The following DPP6 variants were observed in gnomAD, a reference collection of about 807,000 sequenced individuals.
DPP6 encodes dipeptidyl peptidase like 6.
A neutral mutation model predicts 122.6 loss-of-function variants in DPP6; 69 were observed. That is an observed-to-expected ratio of 0.56 (90% CI 0.46 to 0.69). The LOEUF (loss-of-function observed/expected upper bound fraction) is 0.69. Among genes scored for constraint, DPP6 ranks in the 30% least tolerant of loss-of-function variants. The pLI is 0.00. For missense variants in DPP6, 928 were observed against 1,116.9 expected (o/e 0.83, Z 2.41); for synonymous variants, 418 against 433.1 (o/e 0.97, Z 0.43).
chr7:153,819,546 G>T, the DPP6 span, among the ~76,000 whole-genome samples: 42 of 152,240 alleles, frequency 2.8e-4, no homozygotes, highest in South Asian at 1.5e-3. Flanking sequence ...CATCATGACT[G>T]CTGCCTGACC....
At chr7:154,498,079 G>C (rs922484698) in intron 3 of DPP6, among the ~76,000 whole-genome samples, 3 of 152,222 alleles carry the variant, frequency 2.0e-5, no homozygotes, top group East Asian at 3.9e-4. Flanking sequence ...GCAGTTGCCT[G>C]CTTCATAGAT....
At chr7:154,058,403 G>C (rs1195764135) in intron 1 of DPP6, 2 of 146,814 alleles carry the variant, frequency 1.4e-5, no homozygotes, top group Admixed American at 6.7e-5. Context: ...CGCAGGAGGG[G>C]GAGGCAACCC....
chr7:154,613,980 A>G (rs563895073), intron 5 of DPP6, among the ~76,000 whole-genome samples: 45 of 152,304 alleles, frequency 3.0e-4, no homozygotes, highest in Admixed American at 1.2e-3. Context: ...TGCTTTCCGC[A>G]TTCCGCATAC....
intron 1 of DPP6, among the ~76,000 whole-genome samples, chr7:154,019,322 A>G (rs1300841554): frequency 1.3e-5 from 2 of 152,074 alleles, no homozygotes; most frequent in South Asian, 2.1e-4. Flanking sequence ...TCAAATATTT[A>G]TCTGCCTCTA....
At chr7:154,461,273 G>A (rs1407738479) in intron 2 of DPP6, among the ~76,000 whole-genome samples, 3 of 152,124 alleles carry the variant, frequency 2.0e-5, no homozygotes, top group Admixed American at 6.5e-5. Flanking sequence ...TCTGTTGATG[G>A]ACACTAGGGT....
intron 1 of DPP6, among the ~76,000 whole-genome samples, chr7:154,340,087 A>T (rs980475857): frequency 6.6e-6 from 1 of 152,118 alleles, no homozygotes; most frequent in African/African-American, 2.4e-5. Context: ...AGAAAAAAAA[A>T]ATTAATGTGG....
intron 1 of DPP6, among the ~76,000 whole-genome samples, chr7:154,149,612 T>C (rs1253269401): frequency 1.3e-5 from 2 of 151,096 alleles, no homozygotes; most frequent in Non-Finnish European, 2.9e-5. Flanking sequence ...AAAAGTCATA[T>C]TTAAGACTTG....
chr7:154,874,587 A>T (rs981136705), intron 19 of DPP6, among the ~76,000 whole-genome samples: 1 of 152,158 alleles, frequency 6.6e-6, no homozygotes, highest in African/African-American at 2.4e-5. Context: ...ACTCACCAGG[A>T]CCCTAAGCAT....
chr7:154,334,574 C>T (rs932135162), intron 1 of DPP6, among the ~76,000 whole-genome samples: 26 of 152,096 alleles, frequency 1.7e-4, no homozygotes, highest in African/African-American at 5.3e-4. Flanking sequence ...CGATCACTCT[C>T]GAGATTCAGT....
At chr7:153,806,525 T>C in the DPP6 span, among the ~76,000 whole-genome samples, 2 of 151,580 alleles carry the variant, frequency 1.3e-5, no homozygotes, top group Admixed American at 6.6e-5. Flanking sequence ...GCTCCTGCAA[T>C]TCAGGGATGA....
intron 10 of DPP6, among the ~76,000 whole-genome samples, chr7:154,784,265 G>A (rs541554004): frequency 5.7e-4 from 86 of 152,194 alleles, no homozygotes; most frequent in African/African-American, 2.0e-3. Flanking sequence ...GCCCTCATAA[G>A]GAGAGAGACC....
chr7:153,776,296 C>T, the DPP6 span, among the ~76,000 whole-genome samples: 8 of 152,086 alleles, frequency 5.3e-5, no homozygotes, highest in South Asian at 2.1e-4. Context: ...GGAGGGACCT[C>T]GTGGGAGGTA....
chr7:154,160,193 G>C (rs6951465), intron 1 of DPP6, among the ~76,000 whole-genome samples: 4 of 151,126 alleles, frequency 2.6e-5, no homozygotes, highest in Non-Finnish European at 5.9e-5. Context: ...AAGTAGCAAA[G>C]ACAGGACTTG....
At chr7:153,844,446 G>T in the DPP6 span, among the ~76,000 whole-genome samples, 4 of 152,176 alleles carry the variant, frequency 2.6e-5, no homozygotes, top group South Asian at 8.3e-4. Context: ...CATTGAATGG[G>T]GTTGAGATTA....
In DPP6 at chr7:154,848,570, A is replaced by G. The variant is rs111264817; in HGVS notation, c.1667-5210A>G. ...TACATATTTTGGTTATTAGCCCCTT[A>G]TGTGATATATGATTTGCCAGTATTT... On this transcript the variant is annotated intron_variant, in intron 16 of 25. Transcript: ENST00000377770. 9.2e-3 allele frequency among the ~76,000 whole-genome samples: 1,404 copies of G among 152,286 alleles called. 21 individuals are homozygous for G. The highest frequency in any genetic ancestry group is 0.032 in the African/African-American group (1,323 of 41,570).
intron 7 of DPP6, among the ~76,000 whole-genome samples, chr7:154,674,481 G>T (rs3807222): frequency 6.6e-6 from 1 of 151,936 alleles, no homozygotes; most frequent in African/African-American, 2.4e-5. Context: ...GCATCATCAC[G>T]TTTTCCTTTG....
At chr7:154,029,124 C>G (rs1799096593) in intron 1 of DPP6, among the ~76,000 whole-genome samples, 1 of 149,268 alleles carries the variant, frequency 6.7e-6, no homozygotes, top group Admixed American at 6.7e-5. Context: ...CTTGTTTTCT[C>G]CCATGTTCCA....
intron 8 of DPP6, among the ~76,000 whole-genome samples, chr7:154,743,934 A>AT (rs1842926853): frequency 6.6e-6 from 1 of 152,212 alleles, no homozygotes; most frequent in Admixed American, 6.5e-5. Context: ...AAATCTGCAC[A>AT]TAAGTCGACC....
chr7:154,876,044 C>T lies in DPP6; in HGVS notation c.2022C>T (p.His674=), dbSNP rs774130822. Residue 674 remains histidine (H), a synonymous_variant, in exon 20 of 26, where the codon CAC becomes CAT. Transcript: ENST00000377770. ...GCTTCCAAGGGACCAAGCTCCTGCA[C>T]GAAGTGAGGCGGCGGCTGGGCTTGC... ...GSGFQGTKLL[H]EVRRRLGLLE... is the part of the protein sequence containing the mutation. 1.7e-5 allele frequency: 28 copies of T among 1,610,994 alleles called. No individual in the cohort carries two copies. Among genetic ancestry groups the T allele is most frequent in the Middle Eastern group, 1.7e-4 (1 of 6,008 alleles).
Sources: allele counts gnomAD v4.1 joint callset (sites outside exome capture counted in the v4.1 genomes callset), GRCh38; gene constraint gnomAD v4.1.1; transcripts MANE v1.5; gene names NCBI Gene and HGNC (gene_info 2026-07-23, HGNC 2026-07-21).